FHL1: variants seen among roughly 807,000 people sequenced by gnomAD.
FHL1 encodes the protein four and a half LIM domains protein 1.
A neutral mutation model predicts 20.3 loss-of-function variants in FHL1; 1 was observed. That is an observed-to-expected ratio of 0.05 (90% CI 0.02 to 0.23). FHL1 has a LOEUF of 0.23. Ranked by LOEUF, FHL1 falls within the 10% of genes least tolerant of loss-of-function variation. The probability of loss-of-function intolerance (pLI) is 1.00; values close to 1 mark genes in which losing one functional copy is unlikely to be tolerated. For synonymous variants in FHL1, 82 were observed against 88.9 expected (o/e 0.92, Z 0.44); for missense variants, 177 against 234.0 (o/e 0.76, Z 1.59).
intron 2 of FHL1, 29 bp from the exon 3 acceptor site, chrX:136,206,987 G>A: frequency 8.3e-7 from 1 of 1,209,534 alleles, no homozygotes; most frequent in Non-Finnish European, 1.1e-6. Context: ...ACCCCTCATG[G>A]TGGCCCACCC....
At chrX:136,183,009 A>G (rs2073194028) in intron 2 of FHL1, 2 of 109,044 alleles carry the variant, frequency 1.8e-5, no homozygotes, top group Non-Finnish European at 3.8e-5. Flanking sequence ...AGGCAGGAGA[A>G]TCGCTTGAAC....
rs759170048 is a variant in FHL1, at chrX:136,159,774, A to G, written c.-100-10133A>G. Among the ~76,000 whole-genome samples the G allele has an allele frequency of 3.8e-4, 43 of 111,692 alleles. 1 individual carries two copies. In the South Asian group the frequency reaches 0.015, roughly 40 times the overall value. On this transcript the variant is annotated intron_variant, in intron 1 of 7. Transcript: ENST00000394155. ...TGGGACTTCGCTTGCCACCCTTGAA[A>G]CATCATGCCATCTTTGCAGTGGAGT...
At chrX:136,169,513 AGAGAGAG>A (rs1057363299), upstream of FHL1, 1 of 172,764 alleles carries the variant, frequency 5.8e-6, no homozygotes, top group African/African-American at 4.1e-5. Flanking sequence ...GTTAAAAGAG[AGAGAGAG>A]AAAAAAAAAG....
chrX:136,201,325 C>T (rs2073702756), intron 1 of FHL1, among the ~76,000 whole-genome samples: 1 of 112,143 alleles, frequency 8.9e-6, no homozygotes, highest in Admixed American at 9.4e-5. Flanking sequence ...TCTCCTGATT[C>T]TTCCCTTGGG....
rs190006104 is a variant in FHL1 at position 136,209,951 on chromosome X, G to C, written c.817G>C (p.Val273Leu). Residue 273 changes from valine (V) to leucine (L), a missense_variant, in exon 6 of 6, where the codon GTG becomes CTG. Val to Leu is a conservative substitution (Grantham distance 32). Transcript: ENST00000370683. ...CTGCTTCCACTGCAAAAAATGCTCCGTGAATCTGGCCAACAAGCGCTTTGT... is the reference window on the plus strand; with the variant it reads ...CTGCTTCCACTGCAAAAAATGCTCCCTGAATCTGGCCAACAAGCGCTTTGT... ...DYCFHCKKCS[V>L]NLANKRFVFH... 43 of 1,208,774 alleles carry C rather than the reference G, an allele frequency of 3.6e-5. No individual in the cohort carries two copies. The highest frequency in any genetic ancestry group is 8.8e-5 in the Admixed American group (4 of 45,593).
At chrX:136,180,910 T>G (rs1458483629) in intron 2 of FHL1, among the ~76,000 whole-genome samples, 2 of 111,305 alleles carry the variant, frequency 1.8e-5, no homozygotes, top group East Asian at 2.8e-4. Context: ...CCTGGCTAAT[T>G]TTTGTATTTT....
At chrX:136,146,837 C>G (rs1335356253), upstream of FHL1, 2 of 327,736 alleles carry the variant, frequency 6.1e-6, no homozygotes, top group Non-Finnish European at 1.2e-5. Flanking sequence ...CGTTAAAACG[C>G]TCTGGATGGT....
upstream of FHL1, among the ~76,000 whole-genome samples, chrX:136,164,979 A>T: frequency 8.9e-6 from 1 of 111,885 alleles, no homozygotes; most frequent in South Asian, 3.7e-4. Flanking sequence ...CCCAAACTGG[A>T]TAGGGATAAT....
intron 2 of FHL1, among the ~76,000 whole-genome samples, chrX:136,173,459 T>C (rs1387622989): frequency 8.9e-6 from 1 of 112,185 alleles, no homozygotes; most frequent in Non-Finnish European, 1.9e-5. Context: ...TACACAGACT[T>C]AGAGGATTTG....
chrX:136,195,282 G>A (rs1401524486), upstream of FHL1, among the ~76,000 whole-genome samples: 1 of 112,429 alleles, frequency 8.9e-6, no homozygotes, highest in Non-Finnish European at 1.9e-5. Context: ...ATTGTTCACA[G>A]CGCTGCAAGA....
intron 5 of FHL1, 72 bp from the exon 6 acceptor site, chrX:136,209,799 C>T (rs192534729): frequency 3.9e-5 from 43 of 1,107,996 alleles, no homozygotes; most frequent in Non-Finnish European, 4.9e-5. Context: ...CTCTCTGAAT[C>T]GTGGTTTCCT....
intron 5 of FHL1, chrX:136,209,078 T>G: frequency 2.2e-6 from 1 of 461,180 alleles, no homozygotes; most frequent in Non-Finnish European, 3.6e-6. Flanking sequence ...TCTTTTTTTT[T>G]TGGTTTGCTG....
intron 5 of FHL1, 21 bp downstream of exon 5, chrX:136,208,662 T>C: frequency 8.4e-7 from 1 of 1,195,272 alleles, no homozygotes; most frequent in Non-Finnish European, 1.1e-6. Context: ...GAGTCCTTGC[T>C]AAGTCTGCCA....
At chrX:136,159,494 A>G (rs779224160) in intron 1 of FHL1, among the ~76,000 whole-genome samples, 15 of 112,240 alleles carry the variant, frequency 1.3e-4, no homozygotes, top group Non-Finnish European at 2.8e-4. Flanking sequence ...GTGAACCGAG[A>G]TCACGCCACT....
chrX:136,199,714 T>C (rs1477365845), intron 1 of FHL1, among the ~76,000 whole-genome samples: 6 of 112,424 alleles, frequency 5.3e-5, no homozygotes, highest in African/African-American at 1.9e-4. Flanking sequence ...AATAACCTGA[T>C]TTTTTTCCAT....
chrX:136,209,095 T>A (rs2073935631), intron 5 of FHL1: 1 of 499,898 alleles, frequency 2.0e-6, no homozygotes, highest in African/African-American at 2.4e-5. Flanking sequence ...GCTGTTTATT[T>A]GTTTTTGCGA....
rs917492080 is a variant in FHL1, at chrX:136,197,236, T to C, written c.22+102T>C. 8 of 761,525 alleles carry C rather than the reference T, an allele frequency of 1.1e-5. No homozygotes were observed. The African/African-American group carries it at 1.5e-4, about 14-fold the overall frequency. 62.8% of individuals were successfully genotyped at this position (761,525 alleles called of 1,213,427 possible). On this transcript the variant is annotated intron_variant, in intron 1 of 5. Transcript: ENST00000370683. Reference sequence around the variant, plus strand: ...GGTTTTTGATGAAATGATTTTAGTCTTGTCTGAATAGTAAATAAATTATAG... The same window carrying C: ...GGTTTTTGATGAAATGATTTTAGTCCTGTCTGAATAGTAAATAAATTATAG...
At chrX:136,161,816 C>T (rs1268007499) in intron 1 of FHL1, among the ~76,000 whole-genome samples, 1 of 111,955 alleles carries the variant, frequency 8.9e-6, no homozygotes, top group Non-Finnish European at 1.9e-5. Flanking sequence ...TGTGGGGAGC[C>T]TTAAAACAAC....
intron 2 of FHL1, among the ~76,000 whole-genome samples, chrX:136,178,379 C>G (rs951095937): frequency 3.6e-5 from 4 of 111,782 alleles, no homozygotes; most frequent in African/African-American, 1.3e-4. Flanking sequence ...AAGCTTTGTG[C>G]TTTGTAGAGC....
Sources: gnomAD v4.1 joint callset for allele counts (sites outside exome capture counted in the v4.1 genomes callset) on GRCh38, gnomAD v4.1.1 for gene constraint, MANE v1.5 for transcripts, NCBI Gene and HGNC (gene_info 2026-07-23, HGNC 2026-07-21) for gene names.